LYST: variants seen among roughly 807,000 people sequenced by gnomAD.
LYST encodes lysosomal-trafficking regulator.
LYST carries 192 observed loss-of-function variants against 413.6 expected under a neutral mutation model. That is an observed-to-expected ratio of 0.46 (90% confidence interval 0.41 to 0.52). The LOEUF (loss-of-function observed/expected upper bound fraction) is 0.52, where lower values mean the gene tolerates loss of function less well. Among genes scored for constraint, LYST ranks in the 20% least tolerant of loss-of-function variants. The probability of loss-of-function intolerance (pLI) is 0.00; values close to 1 mark genes in which losing one functional copy is unlikely to be tolerated. For synonymous variants in LYST, 1,525 were observed against 1,567.3 expected, an observed-to-expected ratio of 0.97 and a Z score of 0.64; for missense variants, 3,815 against 4,499.9, an observed-to-expected ratio of 0.85 and a Z score of 4.35.
Position 235,830,227 on chromosome 1 carries a change from T to C in LYST, c.191A>G (p.Gln64Arg). The C allele has an allele frequency of 6.2e-7, 1 of 1,604,820 alleles. No individual in the cohort carries two copies. Among genetic ancestry groups the C allele is most frequent in the Non-Finnish European group, 8.5e-7 (1 of 1,171,626 alleles). ...AAGTATTTGATATAAAAATGTTACC[T>C]GATCAATTATAGAATTTAGCTTGGT... The part of the protein sequence containing the change: ...LLTKLNSIID[Q>R]ALTCREELLT... The change falls in exon 3 of 53, where the codon CAG (glutamine) becomes CGG (arginine). Residue 64 changes from glutamine (Q) to arginine (R), a missense_variant and splice_region_variant. Transcript: ENST00000389793.
chr1:235,786,332 AT>A lies in LYST; in HGVS notation c.4862+867del, dbSNP rs761311238. Among the ~76,000 whole-genome samples the A allele has an allele frequency of 6.7e-4, 102 of 152,344 alleles. 1 individual carries two copies. The highest frequency in any genetic ancestry group is 6.8e-3 in the Middle Eastern group (2 of 294). Reference sequence around the variant, plus strand: ...TAGTAAATTTTTCAGAGAAATGCAAATCAAAACCACAATGAGATACCATCTC... The same window carrying A: ...TAGTAAATTTTTCAGAGAAATGCAAACAAAACCACAATGAGATACCATCTC... On this transcript the variant is annotated intron_variant, in intron 14 of 52. Transcript: ENST00000389793.
At chr1:235,692,548 T>A (rs1660744766) in intron 47 of LYST, among the ~76,000 whole-genome samples, 1 of 151,568 alleles carries the variant, frequency 6.6e-6, no homozygotes, top group Admixed American at 6.6e-5. Context: ...GCCTGGCTAA[T>A]TTTTTTTGTA....
chr1:235,880,052 G>A (rs998633900), intron 1 of LYST, among the ~76,000 whole-genome samples: 2 of 152,146 alleles, frequency 1.3e-5, no homozygotes, highest in African/African-American at 4.8e-5. Context: ...ATGGATCTAA[G>A]TTTCTCAGAA....
chr1:235,810,877 C>T (rs1317405628), intron 4 of LYST, among the ~76,000 whole-genome samples: 1 of 152,200 alleles, frequency 6.6e-6, no homozygotes, highest in African/African-American at 2.4e-5. Flanking sequence ...GGTGAGGTGG[C>T]TTATGCCTGT....
rs752805538 is a variant in LYST, at chr1:235,830,392, G to A, written c.26C>T (p.Ala9Val). The A allele has an allele frequency of 1.2e-6, 2 of 1,613,366 alleles. No homozygotes were observed. Among genetic ancestry groups the A allele is most frequent in the Admixed American group, 1.7e-5 (1 of 59,952 alleles). Residue 9 changes from alanine (A) to valine (V), a missense_variant, in exon 3 of 53, where the codon GCA becomes GTA. Around this residue, in one of 4 missense-constraint regions of LYST, gnomAD observed 1,648 missense variants for 1,810.3 expected, o/e 0.91. Transcript: ENST00000389793. MSTDSNSL[A>V]REFLTDVNRL... ...GTTGACATCGGTCAGAAATTCACGT[G>A]CCAGTGAGTTACTGTCGGTGCTCAT...
chr1:235,700,433 C>T (rs1661455599), intron 45 of LYST, among the ~76,000 whole-genome samples: 1 of 152,094 alleles, frequency 6.6e-6, no homozygotes, highest in Non-Finnish European at 1.5e-5. Context: ...ATATGAACAG[C>T]CACTTCTCAT....
chr1:235,844,987 G>A (rs1677629477), intron 1 of LYST, among the ~76,000 whole-genome samples: 1 of 152,060 alleles, frequency 6.6e-6, no homozygotes. Context: ...CATGGCGAAG[G>A]GAGGCAGGAC....
At chr1:235,739,836 C>G (rs1377318681) in intron 31 of LYST, among the ~76,000 whole-genome samples, 2 of 152,114 alleles carry the variant, frequency 1.3e-5, no homozygotes, top group African/African-American at 4.8e-5. Context: ...GAATAAACAA[C>G]TGGCCTTGGT....
intron 1 of LYST, among the ~76,000 whole-genome samples, chr1:235,837,252 A>G (rs1041010563): frequency 1.3e-5 from 2 of 152,188 alleles, no homozygotes; most frequent in African/African-American, 4.8e-5. Flanking sequence ...GAGGCAGGAG[A>G]AAAATCAGGT....
intron 44 of LYST, among the ~76,000 whole-genome samples, chr1:235,703,959 T>A (rs969870467): frequency 6.6e-6 from 1 of 152,158 alleles, no homozygotes; most frequent in Non-Finnish European, 1.5e-5. Context: ...CCTCTTTGTG[T>A]CCATGAGTTC....
chr1:235,713,479 T>C (rs1378834055), intron 42 of LYST, among the ~76,000 whole-genome samples: 4 of 152,224 alleles, frequency 2.6e-5, no homozygotes, highest in Non-Finnish European at 4.4e-5. Flanking sequence ...TATTAAACAG[T>C]ACTACTACAA....
At chr1:235,787,485 A>ATT in intron 13 of LYST, 112 bp from the exon 14 acceptor site, 1 of 943,680 alleles carries the variant, frequency 1.1e-6, no homozygotes, top group Non-Finnish European at 1.7e-6. Context: ...AATCAGTTCT[A>ATT]TTTTTTTTAA....
intron 34 of LYST, among the ~76,000 whole-genome samples, chr1:235,731,924 T>A (rs1383367690): frequency 1.3e-5 from 2 of 152,116 alleles, no homozygotes; most frequent in Non-Finnish European, 2.9e-5. Context: ...ATCACATTTT[T>A]AAAAAGATTT....
At chr1:235,835,042 C>T (rs967275227) in intron 1 of LYST, among the ~76,000 whole-genome samples, 2 of 151,948 alleles carry the variant, frequency 1.3e-5, no homozygotes, top group Non-Finnish European at 2.9e-5. Context: ...CTCAGCCTCC[C>T]GAGTAGCCGG....
intron 4 of LYST, among the ~76,000 whole-genome samples, chr1:235,810,908 C>G (rs781033828): frequency 6.6e-6 from 1 of 152,178 alleles, no homozygotes; most frequent in Non-Finnish European, 1.5e-5. Flanking sequence ...CTTTGGGAGA[C>G]TGAGGCGGGT....
At chr1:235,747,237 T>C (rs1212984394) in intron 28 of LYST, 1 of 453,274 alleles carries the variant, frequency 2.2e-6, no homozygotes, top group East Asian at 7.0e-5. Context: ...CTTGATTTAA[T>C]GGACCGAAGG....
At position 235,777,105 on chromosome 1, in the gene LYST, G is replaced by A. The variant is rs146990900; in HGVS notation, c.5418C>T (p.His1806=). ...CAAATATGCCAGTTCCACCAATTTC[G>A]TGCAGAATGCCTTGAATAGTTTTAT... ...TEYKTIQGIL[H]EIGGTGIFVF... is the part of the protein sequence containing the mutation. Residue 1806 remains histidine, a synonymous_variant, in exon 17 of 53, where the codon CAC becomes CAT. Coordinates refer to ENST00000389793, the MANE Select transcript of LYST (RefSeq NM_000081.4). 3.8e-5 allele frequency: 62 copies of A among 1,613,136 alleles called. No homozygotes were observed. The highest frequency in any genetic ancestry group is 1.1e-4 in the South Asian group (10 of 91,070).
At chr1:235,697,407 G>C in intron 45 of LYST, 135 bp from the exon 46 acceptor site, 1 of 674,374 alleles carries the variant, frequency 1.5e-6, no homozygotes, top group Non-Finnish European at 2.5e-6. Flanking sequence ...ATTATTTTAC[G>C]CATTTTTTTT....
rs992094713 is a variant in LYST, at chr1:235,788,844, C to G, written c.4545G>C (p.Glu1515Asp). 3.8e-5 allele frequency: 61 copies of G among 1,613,220 alleles called. No individual in the cohort carries two copies. The highest frequency in any genetic ancestry group is 4.8e-5 in the Non-Finnish European group (57 of 1,179,508). Residue 1515 changes from glutamate (E) to aspartate (D), a missense_variant and splice_region_variant, in exon 13 of 53, where the codon GAG (glutamate) becomes GAC (aspartate). Physicochemically the swap from Glu to Asp is conservative, Grantham distance 45. This residue lies in a region of LYST where 1,648 missense variants were observed against 1,810.3 expected (regional missense o/e 0.91). Transcript: ENST00000389793. ...ILPDSSFDGTESDRPEGAEYI... is the reference protein window; with the variant it reads ...ILPDSSFDGTDSDRPEGAEYI... ...ACTCTGCACCTTCTGGTCTGTCGCT[C>G]TCTATAAGAAAAAGATGTTAGAATG...
Sources: gnomAD v4.1 joint callset for allele counts (sites outside exome capture counted in the v4.1 genomes callset) on GRCh38, gnomAD v4.1.1 for gene constraint, gnomAD v4.1.1 regional missense constraint, MANE v1.5 for transcripts, NCBI Gene and HGNC (gene_info 2026-07-23, HGNC 2026-07-21) for gene names.